CCDC62: variants seen among roughly 807,000 people sequenced by gnomAD.
The protein encoded by CCDC62 is coiled-coil domain containing 62, also known as coiled-coil domain-containing protein 62.
A neutral mutation model predicts 80.8 loss-of-function variants in CCDC62; 72 were observed. That is an observed-to-expected ratio of 0.89 (90% confidence interval 0.74 to 1.08). The LOEUF (loss-of-function observed/expected upper bound fraction) is 1.08, where lower values mean the gene tolerates loss of function less well. Among genes scored for constraint, CCDC62 ranks in the 50% least tolerant of loss-of-function variants. The pLI is 0.00. For missense variants in CCDC62, 704 were observed against 809.4 expected, an observed-to-expected ratio of 0.87 and a Z score of 1.58; for synonymous variants, 286 against 296.5, an observed-to-expected ratio of 0.96 and a Z score of 0.36.
At chr12:122,791,931 G>A (rs749437211) in intron 5 of CCDC62, 89 bp from the exon 6 acceptor site, 7 of 848,092 alleles carry the variant, frequency 8.3e-6, no homozygotes, top group East Asian at 2.4e-5. Flanking sequence ...GGAAGGAGCC[G>A]CTGAGGATGT....
rs2032677071 is a variant in CCDC62, at chr12:122,827,418, C to T, written c.*1037C>T. Reference sequence around the variant, plus strand: ...TTACTTCAGAGATGATTTTCATGAGCGGGGAAGAGCCACCTCATTTAGCCT... The same window carrying T: ...TTACTTCAGAGATGATTTTCATGAGTGGGGAAGAGCCACCTCATTTAGCCT... On this transcript the variant is annotated 3_prime_UTR_variant, in exon 13 of 13. Transcript: ENST00000253079. The T allele has an allele frequency of 1.3e-5, 2 of 151,996 alleles. No homozygotes were observed. Among genetic ancestry groups the T allele is most frequent in the South Asian group, 2.1e-4 (1 of 4,822 alleles). The allele number at this position is 151,996 out of a possible 1,614,324, so 9.4% of individuals were successfully genotyped here.
Position 122,782,361 on chromosome 12 carries a change from A to G in CCDC62, c.396+1031A>G, listed in dbSNP as rs1486356401. Reference sequence around the variant, plus strand: ...CCGTTATGCCATTTGGTTTAGTAGCATCTACCATTTAATCAACAATGAGTT... The same window carrying G: ...CCGTTATGCCATTTGGTTTAGTAGCGTCTACCATTTAATCAACAATGAGTT... On this transcript the variant is annotated intron_variant, in intron 3 of 12. Coordinates refer to ENST00000253079, the MANE Select transcript of CCDC62 (RefSeq NM_201435.5). Among the ~76,000 whole-genome samples, 7 of 152,344 alleles carry G rather than the reference A, an allele frequency of 4.6e-5. No individual in the cohort carries two copies. The South Asian group carries it at 1.2e-3, about 27-fold the overall frequency.
In CCDC62 at chr12:122,813,275, A is replaced by C; in HGVS notation, c.1857A>C (p.Ser619=). 4 of 1,608,216 alleles carry C rather than the reference A, an allele frequency of 2.5e-6. No homozygotes were observed. The highest frequency in any genetic ancestry group is 4.5e-5 in the East Asian group (2 of 44,710). ...KDAPAFNEKA[S]IVLPSQDDFS... The stretch of plus-strand genomic sequence containing the variant: ...TGCCTCTTAATTTCCTGTAGGCTTC[A>C]ATTGTGTTACCCTCCCAGGATGATT... Residue 619 remains serine (S), a synonymous_variant, in exon 11 of 13, where the codon TCA becomes TCC. Transcript: ENST00000253079.
chr12:122,821,818 G>GTATATAACA (rs1342602738), intron 11 of CCDC62, among the ~76,000 whole-genome samples: 2 of 152,056 alleles, frequency 1.3e-5, no homozygotes, highest in African/African-American at 4.8e-5. Flanking sequence ...GTTATAATAT[G>GTATATAACA]TATATAACAT....
Position 122,775,545 on chromosome 12 carries a change from A to G in CCDC62, c.36+839A>G, listed in dbSNP as rs1237338625. Among the ~76,000 whole-genome samples the G allele has an allele frequency of 4.6e-5, 7 of 152,298 alleles. No individual in the cohort carries two copies. The South Asian group carries it at 1.2e-3, about 27-fold the overall frequency. On this transcript the variant is annotated intron_variant, in intron 1 of 12. Transcript: ENST00000253079. ...CCAACACTGGAATTCAAGCCTTGGG[A>G]CTTGAAATCCCTTGACTCCAAATTC...
rs1473058028 is a variant in CCDC62, at chr12:122,813,336, G to T, written c.1918G>T (p.Glu640Ter). 1 of 1,613,868 alleles carries T rather than the reference G, an allele frequency of 6.2e-7. No individual in the cohort carries two copies. The highest frequency in any genetic ancestry group is 1.1e-5 in the South Asian group (1 of 91,090). Residue 640 changes from glutamate to a stop codon, truncating the protein, a stop_gained, in exon 11 of 13, where the codon GAA becomes TAA. Coordinates refer to ENST00000253079, the MANE Select transcript of CCDC62 (RefSeq NM_201435.5). LOFTEE classifies it high-confidence loss of function. ...PTSKLQRLLAESRQMVTDLEL... is the reference protein window; with the variant it reads ...PTSKLQRLLA ...GAGCAAGCTCCAGCGTTTGCTGGCG[G>T]AATCTCGTCAGATGGTGACGGACCT...
intron 10 of CCDC62, 99 bp downstream of exon 10, chr12:122,806,394 C>G (rs1168417807): frequency 3.6e-6 from 3 of 824,252 alleles, no homozygotes; most frequent in Non-Finnish European, 5.1e-6. Flanking sequence ...CTTATTTTGG[C>G]TATTCCTCCG....
chr12:122,822,561 CTA>C (rs2032453899), intron 11 of CCDC62, among the ~76,000 whole-genome samples: 1 of 141,492 alleles, frequency 7.1e-6, no homozygotes, highest in African/African-American at 2.7e-5. Flanking sequence ...CTCTCTGCTT[CTA>C]TGAGTTCCAC....
intron 11 of CCDC62, among the ~76,000 whole-genome samples, chr12:122,815,636 A>T (rs974348511): frequency 6.6e-6 from 1 of 151,222 alleles, no homozygotes; most frequent in Non-Finnish European, 1.5e-5. Context: ...TTTGGTAGAG[A>T]CGGGCTTTCA....
chr12:122,795,005 T>C lies in CCDC62; in HGVS notation c.773-2302T>C, dbSNP rs142534570. ...AAAAGAATTTTTAAAGGGCATAACA[T>C]GATAATATGCCGTCAAGTGCTATGG... On this transcript the variant is annotated intron_variant, in intron 6 of 12. Transcript: ENST00000253079. 3.9e-5 allele frequency among the ~76,000 whole-genome samples: 6 copies of C among 152,190 alleles called. No individual in the cohort carries two copies. The East Asian group carries it at 1.2e-3, about 29-fold the overall frequency.
chr12:122,785,497 A>G (rs1261795571), intron 3 of CCDC62, among the ~76,000 whole-genome samples: 10 of 152,194 alleles, frequency 6.6e-5, no homozygotes, highest in Non-Finnish European at 1.5e-4. Flanking sequence ...TTAATAGAGA[A>G]ATATATATTT....
intron 11 of CCDC62, among the ~76,000 whole-genome samples, chr12:122,816,893 T>A (rs2135588644): frequency 6.6e-6 from 1 of 152,186 alleles, no homozygotes; most frequent in South Asian, 2.1e-4. Flanking sequence ...AGACCCCACA[T>A]CCACAGCCAC....
intron 10 of CCDC62, among the ~76,000 whole-genome samples, chr12:122,812,805 A>AAGAAAG (rs1555258019): frequency 4.7e-5 from 7 of 148,698 alleles, no homozygotes; most frequent in Admixed American, 1.3e-4. Context: ...GAAAGAAAGA[A>AAGAAAG]AGAAAGAAAG....
rs574208349 is a variant in CCDC62, at chr12:122,807,172, C to T, written c.1851+877C>T. Among the ~76,000 whole-genome samples, 6 of 152,260 alleles carry T rather than the reference C, an allele frequency of 3.9e-5. 1 individual carries two copies. The East Asian group carries it at 1.2e-3, about 29-fold the overall frequency. On this transcript the variant is annotated intron_variant, in intron 10 of 12. Coordinates refer to ENST00000253079, the MANE Select transcript of CCDC62 (RefSeq NM_201435.5). ...TTGCTTAAGCCCAGGAATTCAGGATCAGCATGGGCAACATAGCAAGACCCT... is the reference window on the plus strand; with the variant it reads ...TTGCTTAAGCCCAGGAATTCAGGATTAGCATGGGCAACATAGCAAGACCCT...
chr12:122,807,909 T>A (rs567490140), intron 10 of CCDC62, among the ~76,000 whole-genome samples: 2 of 152,222 alleles, frequency 1.3e-5, no homozygotes, highest in Non-Finnish European at 2.9e-5. Context: ...ATTTTGAGAT[T>A]AACTTATGTG....
At chr12:122,817,851 A>C (rs2032232439) in intron 11 of CCDC62, among the ~76,000 whole-genome samples, 1 of 151,930 alleles carries the variant, frequency 6.6e-6, no homozygotes, top group Non-Finnish European at 1.5e-5. Flanking sequence ...CCTCCATCAG[A>C]GTGCACGTCA....
chr12:122,781,203 C>G lies in CCDC62; in HGVS notation c.269C>G (p.Thr90Arg), dbSNP rs376082452. ...AGAACTGAAATAATCAGGTCACTCA[C>G]GAAGAAGGTAAAAGCTCTTGAATCC... ...HKRTEIIRSL[T>R]KKVKALESNQ... Residue 90 changes from threonine to arginine, a missense_variant, in exon 3 of 13, where the codon ACG becomes AGG. By Grantham distance (71) the Thr-to-Arg change is moderately conservative. Coordinates refer to ENST00000253079, the MANE Select transcript of CCDC62 (RefSeq NM_201435.5). 7.7e-5 allele frequency: 124 copies of G among 1,613,766 alleles called. 1 individual carries two copies. The highest frequency in any genetic ancestry group is 1.0e-4 in the Non-Finnish European group (123 of 1,179,904).
At position 122,797,330 on chromosome 12, in the gene CCDC62, G is replaced by A. The variant is rs1293604092; in HGVS notation, c.796G>A (p.Glu266Lys). ...FTVEREKRKD[E>K]LLNIAKSKQE... ...AGTAGAGAGAGAAAAGAGGAAAGAT[G>A]AATTGCTTAATATTGCGAAGTCAAA... The change falls in exon 7 of 13, where the codon GAA becomes AAA. Residue 266 changes from glutamate (E) to lysine (K), a missense_variant. Transcript: ENST00000253079. 2 of 1,583,498 alleles carry A rather than the reference G, an allele frequency of 1.3e-6. No individual in the cohort carries two copies. Among genetic ancestry groups the A allele is most frequent in the Non-Finnish European group, 1.7e-6 (2 of 1,152,650 alleles).
intron 1 of CCDC62, among the ~76,000 whole-genome samples, chr12:122,775,737 C>G (rs541828135): frequency 6.6e-6 from 1 of 152,142 alleles, no homozygotes; most frequent in Non-Finnish European, 1.5e-5. Flanking sequence ...CTCAGCCTCC[C>G]AAATAGCTGG....
Sources: gnomAD v4.1 joint callset for allele counts (sites outside exome capture counted in the v4.1 genomes callset) on GRCh38, gnomAD v4.1.1 for gene constraint, MANE v1.5 for transcripts, NCBI Gene and HGNC (gene_info 2026-07-23, HGNC 2026-07-21) for gene names.